TENM3: variants seen among roughly 807,000 people sequenced by gnomAD.
The protein encoded by TENM3 is teneurin transmembrane protein 3.
A neutral mutation model predicts 255.1 loss-of-function variants in TENM3; 63 were observed. The ratio of observed to expected loss-of-function variants is 0.25; its 90% CI spans 0.20 to 0.30. The LOEUF (loss-of-function observed/expected upper bound fraction) is 0.30, where lower values mean the gene tolerates loss of function less well. Among genes scored for constraint, TENM3 ranks in the 10% least tolerant of loss-of-function variants. The pLI is 1.00. For synonymous variants in TENM3, 1,306 were observed against 1,322.3 expected, an observed-to-expected ratio of 0.99 and a Z score of 0.27; for missense variants, 2,929 against 3,461.1, an observed-to-expected ratio of 0.85 and a Z score of 3.86.
At chr4:182,154,347 A>G (rs1045806196) in intron 1 of TENM3, among the ~76,000 whole-genome samples, 1 of 152,170 alleles carries the variant, frequency 6.6e-6, no homozygotes, top group Non-Finnish European at 1.5e-5. Context: ...GAAGGATTAT[A>G]CATTCTCCCC....
At chr4:181,721,494 G>A in the TENM3 span, among the ~76,000 whole-genome samples, 1 of 128,338 alleles carries the variant, frequency 7.8e-6, no homozygotes. Flanking sequence ...CAGCTACTCG[G>A]GAGGCTGAGG....
intron 1 of TENM3, among the ~76,000 whole-genome samples, chr4:182,317,668 A>G (rs966962862): frequency 1.3e-5 from 2 of 152,070 alleles, no homozygotes; most frequent in Non-Finnish European, 2.9e-5. Context: ...CTACTATTTG[A>G]AACTATAAGC....
rs144508556 is a variant in TENM3, at chr4:182,799,012, C to T, written c.7345-584C>T. Reference sequence around the variant, plus strand: ...ATTGTTTTCCTAAAGTAACAAATATCGTCTCCAGCTGCCCCACCTTCCACT... The same window carrying T: ...ATTGTTTTCCTAAAGTAACAAATATTGTCTCCAGCTGCCCCACCTTCCACT... On this transcript the variant is annotated intron_variant, in intron 27 of 27. Transcript: ENST00000511685. This position sits in a 1 kb window ranked among gnomAD's most constrained non-coding sequence, Gnocchi z 4.2. Among the ~76,000 whole-genome samples, 180 of 152,298 alleles carry T rather than the reference C, an allele frequency of 1.2e-3. No homozygotes were observed. The highest frequency in any genetic ancestry group is 4.3e-3 in the African/African-American group (177 of 41,562).
chr4:182,412,993 G>A (rs1054645537), intron 3 of TENM3, among the ~76,000 whole-genome samples: 3 of 151,698 alleles, frequency 2.0e-5, no homozygotes, highest in African/African-American at 7.3e-5. Flanking sequence ...TAAACTCTAG[G>A]TTCAACATAA....
intron 19 of TENM3, among the ~76,000 whole-genome samples, chr4:182,749,576 C>T (rs953294039): frequency 1.3e-5 from 2 of 152,098 alleles, no homozygotes; most frequent in East Asian, 3.9e-4. Flanking sequence ...ATATATAGTT[C>T]GTGTAATCCT....
At chr4:182,388,378 A>T (rs1487796491) in intron 3 of TENM3, among the ~76,000 whole-genome samples, 2 of 152,198 alleles carry the variant, frequency 1.3e-5, no homozygotes, top group African/African-American at 4.8e-5. Flanking sequence ...TAAACATTTA[A>T]TGTACACCCA....
chr4:181,632,317 A>G, the TENM3 span, among the ~76,000 whole-genome samples: 3 of 152,164 alleles, frequency 2.0e-5, no homozygotes, highest in Non-Finnish European at 4.4e-5. Context: ...ATCCACCTCC[A>G]TGATCCAATC....
At chr4:181,951,712 G>A in the TENM3 span, among the ~76,000 whole-genome samples, 2 of 152,132 alleles carry the variant, frequency 1.3e-5, no homozygotes, top group African/African-American at 4.8e-5. Context: ...GTTCACTGTG[G>A]TCAAAAAAGT....
intron 13 of TENM3, among the ~76,000 whole-genome samples, chr4:182,715,016 C>G (rs1478909901): frequency 6.6e-6 from 1 of 152,194 alleles, no homozygotes; most frequent in East Asian, 1.9e-4. Context: ...TCCCGAGTAG[C>G]TGGGATTACA....
At chr4:181,516,368 T>TA in the TENM3 span, among the ~76,000 whole-genome samples, 74,286 of 141,134 alleles carry the variant, frequency 0.53, 19,538 homozygotes, top group African/African-American at 0.58. Flanking sequence ...AAAAAATATT[T>TA]AAAAAAAAAA....
At chr4:181,926,180 C>T in the TENM3 span, among the ~76,000 whole-genome samples, 4 of 152,206 alleles carry the variant, frequency 2.6e-5, no homozygotes, top group African/African-American at 9.6e-5. Context: ...AGAAACAATC[C>T]TTGCGGTTAG....
intron 3 of TENM3, among the ~76,000 whole-genome samples, chr4:182,373,820 G>C (rs745382122): frequency 1.3e-5 from 2 of 152,150 alleles, no homozygotes; most frequent in African/African-American, 2.4e-5. Context: ...TTCCTATCGA[G>C]GAGATGCCTT....
At chr4:182,236,127 G>A (rs989777411) in intron 1 of TENM3, among the ~76,000 whole-genome samples, 1 of 152,188 alleles carries the variant, frequency 6.6e-6, no homozygotes, top group African/African-American at 2.4e-5. Flanking sequence ...CCAACCAAAA[G>A]CTTCAACATG....
At chr4:182,398,195 A>G (rs1768984347) in intron 3 of TENM3, among the ~76,000 whole-genome samples, 1 of 152,126 alleles carries the variant, frequency 6.6e-6, no homozygotes. Flanking sequence ...TTGATGCTGG[A>G]TCCTTTACGT....
At chr4:181,827,945 T>A in the TENM3 span, among the ~76,000 whole-genome samples, 4 of 152,130 alleles carry the variant, frequency 2.6e-5, no homozygotes, top group African/African-American at 9.7e-5. Context: ...TTAAAAAAAA[T>A]GATCTCTTCC....
At chr4:182,151,655 T>C (rs1245227667) in intron 1 of TENM3, among the ~76,000 whole-genome samples, 2 of 151,934 alleles carry the variant, frequency 1.3e-5, no homozygotes, top group African/African-American at 4.8e-5. Context: ...ACTTTTTTTC[T>C]CTTAGGAGCA....
the TENM3 span, among the ~76,000 whole-genome samples, chr4:181,530,456 G>A: frequency 0.68 from 104,007 of 152,052 alleles, 35,833 homozygotes; most frequent in South Asian, 0.8. Context: ...AGTTACAGGT[G>A]TAGATGAGTT....
At chr4:182,054,133 A>AGGC in the TENM3 span, among the ~76,000 whole-genome samples, 2 of 152,104 alleles carry the variant, frequency 1.3e-5, no homozygotes, top group African/African-American at 4.8e-5. Context: ...TACATCTTCC[A>AGGC]TGTGCTCCAG....
chr4:181,807,768 A>G, the TENM3 span, among the ~76,000 whole-genome samples: 1 of 152,158 alleles, frequency 6.6e-6, no homozygotes, highest in East Asian at 1.9e-4. Context: ...TTCCCACCTA[A>G]ATGGGAGTTA....
Sources: gnomAD v4.1 joint callset for allele counts (sites outside exome capture counted in the v4.1 genomes callset) on GRCh38, gnomAD v4.1.1 for gene constraint, Gnocchi (gnomAD v3.1) non-coding constraint, MANE v1.5 for transcripts, NCBI Gene and HGNC (gene_info 2026-07-23, HGNC 2026-07-21) for gene names.